The following ADAMTS14 variants were observed in gnomAD, a reference collection of about 807,000 sequenced individuals.
ADAMTS14 encodes the protein ADAM metallopeptidase with thrombospondin type 1 motif 14.
A neutral mutation model predicts 128.6 loss-of-function variants in ADAMTS14; 100 were observed. The observed-to-expected ratio is 0.78, with a 90% CI of 0.66 to 0.92. ADAMTS14 has a LOEUF of 0.92. ADAMTS14 is among the 40% of genes least tolerant of loss of function. ADAMTS14 has a pLI of 0.00. For missense variants in ADAMTS14, 1,562 were observed against 1,658.6 expected (o/e 0.94, Z 1.01); for synonymous variants, 665 against 653.8 (o/e 1.02, Z -0.26).
chr10:70,759,223 T>C (rs1842552663), intron 21 of ADAMTS14, among the ~76,000 whole-genome samples: 1 of 150,062 alleles, frequency 6.7e-6, no homozygotes, highest in Non-Finnish European at 1.5e-5. Context: ...CCGATTCTGG[T>C]TCCAGAAATC....
chr10:70,676,247 C>T (rs970717049), intron 2 of ADAMTS14, among the ~76,000 whole-genome samples: 5 of 152,148 alleles, frequency 3.3e-5, no homozygotes, highest in Non-Finnish European at 7.3e-5. Context: ...TCCAGCCATC[C>T]TTCTGCCTCC....
In ADAMTS14 at chr10:70,758,004, GT is replaced by G; in HGVS notation, c.2981del (p.Val994GlyfsTer37). ...CGEGIQQRQV[V>X]CRTNANSLGH... is the part of the protein sequence containing the mutation. ...AGAGGGCATCCAGCAGCGGCAGGTGGTGTGCAGGACCAACGCCAACAGCCTC... is the reference window on the plus strand; with the variant it reads ...AGAGGGCATCCAGCAGCGGCAGGTGGGTGCAGGACCAACGCCAACAGCCTC... On this transcript the variant is annotated frameshift_variant, in exon 20 of 22. Coordinates refer to ENST00000373207, the MANE Select transcript of ADAMTS14 (RefSeq NM_080722.4). The G allele has an allele frequency of 6.2e-7, 1 of 1,613,386 alleles. No homozygotes were observed. Among genetic ancestry groups the G allele is most frequent in the Non-Finnish European group, 8.5e-7 (1 of 1,179,880 alleles).
In ADAMTS14 at chr10:70,735,291, C is replaced by T. The variant is rs749627609; in HGVS notation, c.1475C>T (p.Thr492Ile). Residue 492 changes from threonine (T) to isoleucine (I), a missense_variant, in exon 9 of 22, where the codon ACC becomes ATC. Physicochemically the swap from Thr to Ile is moderately conservative, Grantham distance 89. Coordinates refer to ENST00000373207, the MANE Select transcript of ADAMTS14 (RefSeq NM_080722.4). ...TTTGACTTTGGCAGTGGCTACCAGA[C>T]CTGCTTGGCAGTAAGTAGCCATCTG... is the stretch of plus-strand genomic sequence containing the variant. ...CRFDFGSGYQ[T>I]CLAFRTFEPC... The T allele has an allele frequency of 6.2e-7, 1 of 1,613,846 alleles. No homozygotes were observed. The highest frequency in any genetic ancestry group is 8.5e-7 in the Non-Finnish European group (1 of 1,179,902).
intron 10 of ADAMTS14, among the ~76,000 whole-genome samples, chr10:70,738,182 A>G (rs925281125): frequency 6.6e-6 from 1 of 151,948 alleles, no homozygotes; most frequent in Non-Finnish European, 1.5e-5. Flanking sequence ...TTTTCATGCT[A>G]CCCTGTAGGA....
chr10:70,753,421 C>T (rs555953529), intron 18 of ADAMTS14, among the ~76,000 whole-genome samples: 11 of 152,272 alleles, frequency 7.2e-5, no homozygotes, highest in Admixed American at 2.0e-4. Flanking sequence ...TGTGCCCTGA[C>T]GCTTCTCAGC....
intron 4 of ADAMTS14, among the ~76,000 whole-genome samples, chr10:70,723,357 A>G (rs1267581810): frequency 1.3e-5 from 2 of 152,198 alleles, no homozygotes; most frequent in Non-Finnish European, 2.9e-5. Flanking sequence ...TTTGGGGGAA[A>G]TTAGAGAAAT....
intron 3 of ADAMTS14, among the ~76,000 whole-genome samples, chr10:70,705,384 G>C (rs11596392): frequency 0.23 from 34,916 of 152,188 alleles, 4,267 homozygotes; most frequent in Non-Finnish European, 0.26. Flanking sequence ...GCCCGAGCTC[G>C]GGCTCTCCGT....
At chr10:70,682,442 A>C (rs928145117) in intron 2 of ADAMTS14, among the ~76,000 whole-genome samples, 2 of 152,156 alleles carry the variant, frequency 1.3e-5, no homozygotes, top group African/African-American at 4.8e-5. Flanking sequence ...CTGGGGGGTG[A>C]GTGTGACCCT....
chr10:70,708,394 A>T (rs1840729912), intron 3 of ADAMTS14, among the ~76,000 whole-genome samples, 194 bp from the exon 4 acceptor site: 1 of 152,232 alleles, frequency 6.6e-6, no homozygotes, highest in South Asian at 2.1e-4. Flanking sequence ...TCAAAGATTT[A>T]GCAGTGCCCT....
At chr10:70,757,814 C>T (rs1842511172) in intron 19 of ADAMTS14, 148 bp from the exon 20 acceptor site, 2 of 1,211,432 alleles carry the variant, frequency 1.7e-6, no homozygotes, top group East Asian at 2.4e-5. Flanking sequence ...CTTGCATGTC[C>T]CTCTGGTCAA....
At chr10:70,705,245 G>T (rs1013709805) in intron 3 of ADAMTS14, among the ~76,000 whole-genome samples, 3 of 152,186 alleles carry the variant, frequency 2.0e-5, no homozygotes, top group African/African-American at 7.2e-5. Context: ...GGCCCCTGAG[G>T]CTGCGTCCTG....
At chr10:70,736,971 C>T in intron 10 of ADAMTS14, among the ~76,000 whole-genome samples, 178 bp downstream of exon 10, 1 of 152,102 alleles carries the variant, frequency 6.6e-6, no homozygotes. Flanking sequence ...GTGGAGTCTT[C>T]CCATAAACTC....
Position 70,702,298 on chromosome 10 carries a change from C to A in ADAMTS14, c.523-14C>A. The A allele has an allele frequency of 1.2e-6, 2 of 1,614,060 alleles. No homozygotes were observed. Among genetic ancestry groups the A allele is most frequent in the East Asian group, 2.2e-5 (1 of 44,886 alleles). ...TATTTCTCTCTTTCCCGCTGCTTGC[C>A]GTCCCTGGTTCAGGCGGGCCTCATC... On this transcript the variant is annotated splice_polypyrimidine_tract_variant and intron_variant, in intron 2 of 21. Transcript: ENST00000373207.
At chr10:70,715,530 T>G (rs1841011143) in intron 4 of ADAMTS14, among the ~76,000 whole-genome samples, 1 of 151,348 alleles carries the variant, frequency 6.6e-6, no homozygotes, top group Non-Finnish European at 1.5e-5. Flanking sequence ...GGGGTGAGGG[T>G]GGAGGGGATA....
At chr10:70,751,992 G>T in intron 17 of ADAMTS14, 103 bp from the exon 18 acceptor site, 1 of 1,488,626 alleles carries the variant, frequency 6.7e-7, no homozygotes, top group East Asian at 2.3e-5. Context: ...GAGGGAGGTG[G>T]GATTGGCCCA....
At chr10:70,688,770 T>C (rs1259536902) in intron 2 of ADAMTS14, among the ~76,000 whole-genome samples, 1 of 71,690 alleles carries the variant, frequency 1.4e-5, no homozygotes, top group Non-Finnish European at 3.2e-5. Context: ...GGCAGGAGAA[T>C]CAGGCAGGGA....
chr10:70,683,149 C>T (rs1839864206), intron 2 of ADAMTS14, among the ~76,000 whole-genome samples: 1 of 152,234 alleles, frequency 6.6e-6, no homozygotes, highest in African/African-American at 2.4e-5. Flanking sequence ...GACCCCCCTG[C>T]ATGTGCTCAC....
intron 15 of ADAMTS14, among the ~76,000 whole-genome samples, chr10:70,746,389 G>C (rs1842178050): frequency 6.6e-6 from 1 of 152,236 alleles, no homozygotes; most frequent in Admixed American, 6.5e-5. Flanking sequence ...CACAGACAGA[G>C]AGAGAATAGA....
chr10:70,701,798 G>A (rs1050238458), intron 2 of ADAMTS14, among the ~76,000 whole-genome samples: 6 of 152,128 alleles, frequency 3.9e-5, no homozygotes, highest in African/African-American at 1.2e-4. Context: ...GCACACCCAC[G>A]TGCTTTCAAC....
Sources: gnomAD v4.1 joint callset for allele counts (sites outside exome capture counted in the v4.1 genomes callset) on GRCh38, gnomAD v4.1.1 for gene constraint, MANE v1.5 for transcripts, NCBI Gene and HGNC (gene_info 2026-07-23, HGNC 2026-07-21) for gene names.